Variants in ANO6 observed in about 807,000 individuals in gnomAD.
ANO6 encodes anoctamin 6, also known as anoctamin-6.
ANO6 carries 106 observed loss-of-function variants against 117.5 expected under a neutral mutation model. The observed-to-expected ratio is 0.90, with a 90% CI of 0.77 to 1.06. The LOEUF (loss-of-function observed/expected upper bound fraction) is 1.06. ANO6 is among the 50% of genes least tolerant of loss of function. ANO6 has a pLI of 0.00. For missense variants in ANO6, 955 were observed against 1,121.1 expected (o/e 0.85, Z 2.12); for synonymous variants, 367 against 385.1 (o/e 0.95, Z 0.55).
intron 12 of ANO6, among the ~76,000 whole-genome samples, chr12:45,391,578 A>T (rs1463058570): frequency 6.6e-6 from 1 of 152,200 alleles, no homozygotes; most frequent in Admixed American, 6.5e-5. Flanking sequence ...ATTAAAAAAA[A>T]AATTAAAGGC....
At chr12:45,367,075 G>A (rs1236907483) in intron 8 of ANO6, among the ~76,000 whole-genome samples, 5 of 152,014 alleles carry the variant, frequency 3.3e-5, no homozygotes, top group Non-Finnish European at 5.9e-5. Context: ...TCCACCTCCC[G>A]GGTTCAAGCA....
At chr12:45,265,955 G>A (rs1938201379) in intron 1 of ANO6, among the ~76,000 whole-genome samples, 3 of 152,162 alleles carry the variant, frequency 2.0e-5, no homozygotes, top group Admixed American at 6.5e-5. Context: ...CTTGCCTTCA[G>A]AACAATATAC....
intron 1 of ANO6, among the ~76,000 whole-genome samples, chr12:45,244,559 G>T (rs971986129): frequency 6.6e-6 from 1 of 152,120 alleles, no homozygotes; most frequent in African/African-American, 2.4e-5. Context: ...AGGGGTCCTT[G>T]ATCCAAAAGG....
chr12:45,386,189 C>G (rs1269134793), intron 10 of ANO6, among the ~76,000 whole-genome samples: 1 of 152,190 alleles, frequency 6.6e-6, no homozygotes, highest in African/African-American at 2.4e-5. Flanking sequence ...TCCTTCTTAC[C>G]TGCAGCCAGG....
At chr12:45,271,810 T>A (rs1003257471) in intron 1 of ANO6, among the ~76,000 whole-genome samples, 8 of 152,204 alleles carry the variant, frequency 5.3e-5, no homozygotes, top group Admixed American at 2.0e-4. Context: ...ATAGTTAAAA[T>A]TTTTTGGAAC....
chr12:45,284,357 A>G (rs1938839915), intron 1 of ANO6, among the ~76,000 whole-genome samples: 2 of 152,132 alleles, frequency 1.3e-5, no homozygotes, highest in South Asian at 2.1e-4. Context: ...CTTTATCTCC[A>G]CCTTTCTGTA....
At chr12:45,347,705 A>G (rs2137447028) in intron 4 of ANO6, among the ~76,000 whole-genome samples, 1 of 152,346 alleles carries the variant, frequency 6.6e-6, no homozygotes, top group Non-Finnish European at 1.5e-5. Flanking sequence ...TACAATGAAT[A>G]TTCTAGTGTT....
chr12:45,365,244 G>C (rs1941654698), intron 8 of ANO6, among the ~76,000 whole-genome samples: 1 of 152,194 alleles, frequency 6.6e-6, no homozygotes, highest in Non-Finnish European at 1.5e-5. Context: ...AAGTCAGCCA[G>C]AGGTAAGGGA....
At chr12:45,237,104 C>G (rs897122199) in intron 1 of ANO6, among the ~76,000 whole-genome samples, 1 of 151,806 alleles carries the variant, frequency 6.6e-6, no homozygotes, top group Admixed American at 6.6e-5. Context: ...AATTTGAATT[C>G]TTTGTAGATT....
chr12:45,432,481 C>T (rs1943656525), downstream of ANO6: 2 of 247,064 alleles, frequency 8.1e-6, no homozygotes, highest in Non-Finnish European at 1.3e-5. Context: ...GCCTTCACTT[C>T]AGAGATTTGC....
At chr12:45,342,582 G>T (rs890209068) in intron 3 of ANO6, among the ~76,000 whole-genome samples, 8 of 152,010 alleles carry the variant, frequency 5.3e-5, no homozygotes, top group African/African-American at 1.9e-4. Flanking sequence ...GGAAAATTTG[G>T]GGGGCTCAGA....
chr12:45,297,023 G>C (rs1187269537), intron 1 of ANO6, among the ~76,000 whole-genome samples: 1 of 152,056 alleles, frequency 6.6e-6, no homozygotes, highest in Admixed American at 6.6e-5. Context: ...GGAAAGTAAC[G>C]TTATCACTAG....
chr12:45,391,033 G>GTCACTTGAACCCAGGAGA (rs1942435967), intron 12 of ANO6, among the ~76,000 whole-genome samples: 1 of 151,932 alleles, frequency 6.6e-6, no homozygotes, highest in Non-Finnish European at 1.5e-5. Context: ...AGGCACGAGA[G>GTCACTTGAACCCAGGAGA]TCACTTGAAC....
intron 2 of ANO6, among the ~76,000 whole-genome samples, chr12:45,305,035 T>C (rs1040715221): frequency 6.6e-6 from 1 of 152,204 alleles, no homozygotes; most frequent in Non-Finnish European, 1.5e-5. Flanking sequence ...GTTGCTCTTC[T>C]CCAGCTCCTG....
chr12:45,372,015 A>G (rs1941854482), intron 9 of ANO6, among the ~76,000 whole-genome samples: 2 of 152,222 alleles, frequency 1.3e-5, no homozygotes, highest in East Asian at 3.9e-4. Flanking sequence ...GAAGTGCTTA[A>G]AGGAGCTGAT....
chr12:45,319,223 G>C (rs1940167111), intron 2 of ANO6, among the ~76,000 whole-genome samples: 1 of 152,094 alleles, frequency 6.6e-6, no homozygotes, highest in African/African-American at 2.4e-5. Context: ...TCCAGTTTTT[G>C]CCCATTCAGT....
chr12:45,251,665 C>T (rs960511250), intron 1 of ANO6, among the ~76,000 whole-genome samples: 3 of 152,212 alleles, frequency 2.0e-5, no homozygotes, highest in African/African-American at 7.2e-5. Context: ...CCTTTCTCAT[C>T]ATGCACCCTT....
At chr12:45,296,148 T>A (rs1470375599) in intron 1 of ANO6, among the ~76,000 whole-genome samples, 1 of 152,204 alleles carries the variant, frequency 6.6e-6, no homozygotes, top group African/African-American at 2.4e-5. Context: ...AGTGCTGGCA[T>A]TCAGGTCAAA....
intron 1 of ANO6, among the ~76,000 whole-genome samples, chr12:45,238,893 ATTTG>A (rs1947691467): frequency 1.3e-5 from 2 of 152,194 alleles, no homozygotes; most frequent in African/African-American, 4.8e-5. Flanking sequence ...GATGAAGCTG[ATTTG>A]ATCATGTTGG....
Sources: allele counts gnomAD v4.1 joint callset (sites outside exome capture counted in the v4.1 genomes callset), GRCh38; gene constraint gnomAD v4.1.1; transcripts MANE v1.5; gene names NCBI Gene and HGNC (gene_info 2026-07-23, HGNC 2026-07-21).